The following DTD1 variants were observed in gnomAD, a reference collection of about 807,000 sequenced individuals.
DTD1 encodes D-tyrosyl-tRNA deacylase 1 homolog.
Under a neutral mutation model 25.6 loss-of-function variants are expected in DTD1, and 13 were observed. The ratio of observed to expected loss-of-function variants is 0.51; its 90% CI spans 0.33 to 0.81. The LOEUF is 0.81. Ranked by LOEUF, DTD1 falls within the 30% of genes least tolerant of loss-of-function variation. The pLI, the probability that DTD1 is intolerant of heterozygous loss-of-function variation, is 0.02. For synonymous variants in DTD1, 110 were observed against 103.6 expected, an observed-to-expected ratio of 1.06 and a Z score of -0.37; for missense variants, 193 against 266.4, an observed-to-expected ratio of 0.72 and a Z score of 1.92.
intron 4 of DTD1, among the ~76,000 whole-genome samples, chr20:18,741,022 G>C (rs2061275686): frequency 6.6e-6 from 1 of 152,178 alleles, no homozygotes; most frequent in South Asian, 2.1e-4. Context: ...AAAAATGCTA[G>C]CTTTTTGTCA....
chr20:18,709,217 C>A (rs1247204267), intron 4 of DTD1, among the ~76,000 whole-genome samples: 1 of 151,520 alleles, frequency 6.6e-6, no homozygotes, highest in Non-Finnish European at 1.5e-5. Context: ...AAATATGATC[C>A]CCCCTTTGCA....
At chr20:18,704,175 T>C (rs914541223) in intron 4 of DTD1, among the ~76,000 whole-genome samples, 4 of 152,096 alleles carry the variant, frequency 2.6e-5, no homozygotes, top group Admixed American at 1.3e-4. Context: ...TAATTTTTTG[T>C]AGTTTTAGTA....
At chr20:18,712,134 G>A (rs2061161694) in intron 4 of DTD1, among the ~76,000 whole-genome samples, 1 of 152,022 alleles carries the variant, frequency 6.6e-6, no homozygotes, top group Admixed American at 6.5e-5. Context: ...TTCTGCATGG[G>A]TTTTTCCTTA....
At chr20:18,711,264 C>T (rs2061157498) in intron 4 of DTD1, among the ~76,000 whole-genome samples, 1 of 152,334 alleles carries the variant, frequency 6.6e-6, no homozygotes, top group East Asian at 1.9e-4. Flanking sequence ...TGTTCTCCCT[C>T]TGTGCAGCTG....
intron 4 of DTD1, among the ~76,000 whole-genome samples, chr20:18,696,271 G>A (rs1006483082): frequency 2.6e-5 from 4 of 151,808 alleles, no homozygotes; most frequent in African/African-American, 9.7e-5. Context: ...ATGTCTTTGA[G>A]CAAGTCAGGC....
intron 4 of DTD1, among the ~76,000 whole-genome samples, chr20:18,638,916 T>TTCCACACTAGAGCCTTCCA (rs2060818607): frequency 6.6e-6 from 1 of 152,176 alleles, no homozygotes; most frequent in Admixed American, 6.5e-5. Context: ...AGCTTTTCTG[T>TTCCACACTAGAGCCTTCCA]CAGTGACTCA....
chr20:18,717,489 T>C (rs933425743), intron 4 of DTD1, among the ~76,000 whole-genome samples: 1 of 152,248 alleles, frequency 6.6e-6, no homozygotes, highest in Admixed American at 6.5e-5. Flanking sequence ...GACTAGTATC[T>C]ATGTATAGTT....
chr20:18,698,168 G>A (rs1404332297), intron 4 of DTD1, among the ~76,000 whole-genome samples: 3 of 152,200 alleles, frequency 2.0e-5, no homozygotes, highest in African/African-American at 7.2e-5. Flanking sequence ...ATCTGCTGAT[G>A]TATATGTTTT....
At chr20:18,649,572 C>T (rs918043184) in intron 4 of DTD1, among the ~76,000 whole-genome samples, 2 of 151,874 alleles carry the variant, frequency 1.3e-5, no homozygotes, top group Non-Finnish European at 2.9e-5. Flanking sequence ...CTCCTGACCT[C>T]GTGATCCGCC....
chr20:18,601,604 G>A lies in DTD1; in HGVS notation c.370+5363G>A, dbSNP rs1310645833. 4.6e-5 allele frequency among the ~76,000 whole-genome samples: 7 copies of A among 151,380 alleles called. No homozygotes were observed. In the South Asian group the frequency reaches 1.2e-3, roughly 27 times the overall value. On this transcript the variant is annotated intron_variant, in intron 3 of 5. Transcript: ENST00000377452. ...GAACCGGCAGACTGCCTCCTCAAGT[G>A]GGTCCCTGACCCCTGACCCCCGAGC...
At chr20:18,602,807 C>T (rs2060641086) in intron 3 of DTD1, among the ~76,000 whole-genome samples, 1 of 90,906 alleles carries the variant, frequency 1.1e-5, no homozygotes, top group Non-Finnish European at 2.5e-5. Context: ...CTGGTACCAG[C>T]CGCTGCAAAA....
intron 4 of DTD1, among the ~76,000 whole-genome samples, chr20:18,700,869 G>A (rs751951433): frequency 1.3e-4 from 20 of 152,200 alleles, no homozygotes; most frequent in Non-Finnish European, 2.5e-4. Context: ...ACAGGGTTGC[G>A]TGGAGACTGG....
At chr20:18,717,446 A>G (rs983694228) in intron 4 of DTD1, among the ~76,000 whole-genome samples, 6 of 152,204 alleles carry the variant, frequency 3.9e-5, no homozygotes, top group African/African-American at 1.4e-4. Flanking sequence ...TAATAGATTT[A>G]TGTATATGTT....
intron 4 of DTD1, among the ~76,000 whole-genome samples, chr20:18,663,536 A>G (rs1327618452): frequency 6.6e-6 from 1 of 152,236 alleles, no homozygotes; most frequent in South Asian, 2.1e-4. Flanking sequence ...ATATATCCAC[A>G]TGATGCTGGT....
chr20:18,617,106 C>T (rs775556072), intron 3 of DTD1, among the ~76,000 whole-genome samples: 112 of 151,886 alleles, frequency 7.4e-4, no homozygotes, highest in Non-Finnish European at 4.4e-4. Context: ...TCTCCTTAGC[C>T]GAGAGTCTAT....
chr20:18,659,610 G>C (rs2060902009), intron 4 of DTD1, among the ~76,000 whole-genome samples: 1 of 152,006 alleles, frequency 6.6e-6, no homozygotes, highest in Non-Finnish European at 1.5e-5. Flanking sequence ...GGAGGGACAT[G>C]GATGAAGCTG....
intron 4 of DTD1, among the ~76,000 whole-genome samples, chr20:18,712,151 T>A (rs900227049): frequency 1.3e-5 from 2 of 152,294 alleles, no homozygotes; most frequent in Non-Finnish European, 1.5e-5. Context: ...CTTAGAGTAC[T>A]TAGGGACTCT....
At chr20:18,694,974 G>A (rs530149136) in intron 4 of DTD1, among the ~76,000 whole-genome samples, 48 of 152,172 alleles carry the variant, frequency 3.2e-4, no homozygotes, top group African/African-American at 3.6e-4. Context: ...AGTTAAAAAC[G>A]CCCGACGTAT....
rs192469611 is a variant in DTD1, at chr20:18,617,653, G to T, written c.371-10474G>T. Among the ~76,000 whole-genome samples, 8 of 152,162 alleles carry T rather than the reference G, an allele frequency of 5.3e-5. No individual in the cohort carries two copies. The South Asian group carries it at 1.5e-3, about 28-fold the overall frequency. On this transcript the variant is annotated intron_variant, in intron 3 of 5. Transcript: ENST00000377452. ...AAACTGGAAAGGTTTGCTCTCATTCGTGTCTCTGTCCAGCCTGTTTTTCTT... is the reference window on the plus strand; with the variant it reads ...AAACTGGAAAGGTTTGCTCTCATTCTTGTCTCTGTCCAGCCTGTTTTTCTT...
Sources: gnomAD v4.1 joint callset for allele counts (sites outside exome capture counted in the v4.1 genomes callset) on GRCh38, gnomAD v4.1.1 for gene constraint, MANE v1.5 for transcripts, NCBI Gene and HGNC (gene_info 2026-07-23, HGNC 2026-07-21) for gene names.